NKAIN3: variants seen among roughly 807,000 people sequenced by gnomAD.
The protein encoded by NKAIN3 is sodium/potassium-transporting ATPase subunit beta-1-interacting protein 3.
A neutral mutation model predicts 30.2 loss-of-function variants in NKAIN3; 25 were observed. The observed-to-expected ratio is 0.83, with a 90% CI of 0.60 to 1.16. NKAIN3 has a LOEUF of 1.16. Among genes scored for constraint, NKAIN3 ranks in the 50% most tolerant of loss-of-function variants. The probability of loss-of-function intolerance (pLI) is 0.00; values close to 1 mark genes in which losing one functional copy is unlikely to be tolerated. For missense variants in NKAIN3, 225 were observed against 254.1 expected (o/e 0.89, Z 0.78); for synonymous variants, 91 against 89.6 (o/e 1.02, Z -0.09).
intron 4 of NKAIN3, among the ~76,000 whole-genome samples, chr8:62,895,466 A>G (rs1821404025): frequency 1.3e-5 from 2 of 152,204 alleles, no homozygotes. Context: ...AGTCTACTGA[A>G]TCAGAATTTG....
At chr8:62,277,826 G>T (rs1008838065) in intron 1 of NKAIN3, among the ~76,000 whole-genome samples, 3 of 152,160 alleles carry the variant, frequency 2.0e-5, no homozygotes, top group Non-Finnish European at 2.9e-5. Context: ...TCTTTTGAGG[G>T]TAATAGCTAT....
chr8:62,254,653 C>T (rs1307057221), intron 1 of NKAIN3, among the ~76,000 whole-genome samples: 2 of 151,570 alleles, frequency 1.3e-5, no homozygotes, highest in Non-Finnish European at 2.9e-5. Context: ...AGGTTAAGAG[C>T]AAAACTATCA....
intron 4 of NKAIN3, among the ~76,000 whole-genome samples, chr8:62,824,235 C>T (rs920279664): frequency 7.2e-5 from 11 of 152,144 alleles, no homozygotes; most frequent in African/African-American, 2.7e-4. Flanking sequence ...GAGCAGTAAA[C>T]TATCAACCAC....
chr8:62,704,066 T>C (rs1244871283), intron 3 of NKAIN3, among the ~76,000 whole-genome samples: 1 of 152,158 alleles, frequency 6.6e-6, no homozygotes, highest in African/African-American at 2.4e-5. Context: ...TGAGAAATGG[T>C]CTCAAAATAT....
At chr8:62,752,518 ATCTTGTT>A (rs1485781063) in intron 4 of NKAIN3, among the ~76,000 whole-genome samples, 1 of 152,198 alleles carries the variant, frequency 6.6e-6, no homozygotes, top group Non-Finnish European at 1.5e-5. Flanking sequence ...ATTTTCCTCA[ATCTTGTT>A]TCCCAGAATT....
At chr8:62,613,638 A>C (rs956101322) in intron 3 of NKAIN3, among the ~76,000 whole-genome samples, 3 of 152,044 alleles carry the variant, frequency 2.0e-5, no homozygotes, top group African/African-American at 4.8e-5. Flanking sequence ...CTTGCTCTTT[A>C]AGGCCAGTGA....
At chr8:62,542,808 A>G (rs1251808404) in intron 1 of NKAIN3, among the ~76,000 whole-genome samples, 1 of 152,206 alleles carries the variant, frequency 6.6e-6, no homozygotes, top group Non-Finnish European at 1.5e-5. Context: ...ATGTCATTGC[A>G]TGATTGCCCT....
chr8:62,449,656 ATAAGTT>A (rs1411435852), intron 1 of NKAIN3, among the ~76,000 whole-genome samples: 7 of 152,220 alleles, frequency 4.6e-5, no homozygotes, highest in East Asian at 1.9e-4. Flanking sequence ...TTCAGAACGT[ATAAGTT>A]TAAGTATTAA....
chr8:62,560,445 A>AT (rs533350650), intron 1 of NKAIN3, among the ~76,000 whole-genome samples: 1 of 117,940 alleles, frequency 8.5e-6, no homozygotes, highest in Non-Finnish European at 1.8e-5. Flanking sequence ...GTCTTTGTTC[A>AT]TTTTTTTCAG....
At chr8:62,706,955 T>C (rs1814541670) in intron 3 of NKAIN3, among the ~76,000 whole-genome samples, 1 of 151,902 alleles carries the variant, frequency 6.6e-6, no homozygotes, top group South Asian at 2.1e-4. Flanking sequence ...CATTCCTGAG[T>C]TACTTCACTT....
intron 4 of NKAIN3, among the ~76,000 whole-genome samples, chr8:62,765,246 CAAAA>C (rs34477671): frequency 2.4e-5 from 1 of 42,520 alleles, no homozygotes; most frequent in Non-Finnish European, 4.8e-5. Context: ...GACTCCATCT[CAAAA>C]AAAAAAAAAA....
intron 4 of NKAIN3, among the ~76,000 whole-genome samples, chr8:62,757,548 A>G (rs1307706447): frequency 6.6e-6 from 1 of 152,144 alleles, no homozygotes; most frequent in Non-Finnish European, 1.5e-5. Context: ...AAGTGCCATA[A>G]CTTAGGACAG....
At chr8:62,830,683 G>C (rs893692310) in intron 4 of NKAIN3, among the ~76,000 whole-genome samples, 3 of 152,158 alleles carry the variant, frequency 2.0e-5, no homozygotes, top group African/African-American at 7.2e-5. Flanking sequence ...TCAGCAGCCT[G>C]AGCTGCCCAA....
At chr8:62,858,039 G>GTTT (rs1158843171) in intron 4 of NKAIN3, among the ~76,000 whole-genome samples, 5 of 151,028 alleles carry the variant, frequency 3.3e-5, no homozygotes, top group Non-Finnish European at 7.4e-5. Flanking sequence ...ATTTTTTCTT[G>GTTT]TTGTTGTTGT....
At chr8:62,960,015 T>G (rs1437977898) in intron 6 of NKAIN3, among the ~76,000 whole-genome samples, 6 of 152,220 alleles carry the variant, frequency 3.9e-5, no homozygotes. Flanking sequence ...AATAACTTTT[T>G]GATGCATCAT....
intron 6 of NKAIN3, among the ~76,000 whole-genome samples, chr8:62,963,246 A>C (rs890038734): frequency 6.6e-6 from 1 of 152,140 alleles, no homozygotes; most frequent in Non-Finnish European, 1.5e-5. Flanking sequence ...CAGGTTTGCC[A>C]ATAGGTTTTC....
At chr8:62,741,322 G>GA (rs542945182) in intron 3 of NKAIN3, among the ~76,000 whole-genome samples, 78 of 146,006 alleles carry the variant, frequency 5.3e-4, no homozygotes, top group Admixed American at 1.1e-3. Flanking sequence ...GAGGGAGAAA[G>GA]AAAAAAAAAG....
chr8:62,308,221 G>A (rs1309384247), intron 1 of NKAIN3, among the ~76,000 whole-genome samples: 1 of 150,462 alleles, frequency 6.6e-6, no homozygotes, highest in East Asian at 1.9e-4. Context: ...TTAGTCAGCT[G>A]TACCTCAAAG....
Position 62,965,788 on chromosome 8 carries a change from G to C in NKAIN3, c.*381G>C. On this transcript the variant is annotated 3_prime_UTR_variant, in exon 7 of 7. Transcript: ENST00000623646. ...TGTTAAGTCAGCACTGCTGACTGTT[G>C]AAGTTATTCTAGGCCTGATGAATTT... 6.1e-6 allele frequency: 6 copies of C among 985,330 alleles called. No homozygotes were observed. The highest frequency in any genetic ancestry group is 7.2e-6 in the Non-Finnish European group (6 of 829,858). 61.0% of individuals were successfully genotyped at this position (985,330 alleles called of 1,614,324 possible). A position where few individuals can be genotyped will look rare whatever the true frequency, so the allele number is the denominator to read the frequency against.
Sources: gnomAD v4.1 joint callset for allele counts (sites outside exome capture counted in the v4.1 genomes callset) on GRCh38, gnomAD v4.1.1 for gene constraint, MANE v1.5 for transcripts, NCBI Gene and HGNC (gene_info 2026-07-23, HGNC 2026-07-21) for gene names.